BACH2: variants seen among roughly 807,000 people sequenced by gnomAD.
BACH2 encodes the protein BACH transcriptional regulator 2.
In BACH2, 5 loss-of-function variants were observed where a neutral mutation model predicts 61.8. The observed-to-expected ratio is 0.08, with a 90% confidence interval of 0.04 to 0.17. The LOEUF is 0.17. Ranked by LOEUF, BACH2 falls within the 10% of genes least tolerant of loss-of-function variation. BACH2 has a pLI of 1.00. For synonymous variants in BACH2, 446 were observed against 440.1 expected (o/e 1.01, Z -0.17); for missense variants, 824 against 1,091.1 (o/e 0.76, Z 3.45).
chr6:90,178,284 A>G (rs918485672), intron 4 of BACH2, among the ~76,000 whole-genome samples: 7 of 152,180 alleles, frequency 4.6e-5, no homozygotes, highest in African/African-American at 1.7e-4. Context: ...ATTACCTAAG[A>G]TGACATTCTG....
intron 1 of BACH2, among the ~76,000 whole-genome samples, chr6:90,278,824 G>A (rs957788182): frequency 3.3e-5 from 5 of 152,100 alleles, no homozygotes; most frequent in Admixed American, 3.3e-4. Context: ...AGACTTTAGA[G>A]ACTAAATCAG....
chr6:90,031,209 T>C (rs1437083841), intron 5 of BACH2, among the ~76,000 whole-genome samples: 1 of 151,670 alleles, frequency 6.6e-6, no homozygotes, highest in African/African-American at 2.4e-5. Context: ...TATCTCAAAA[T>C]AATAAGAGCT....
chr6:90,216,559 G>A (rs1172624788), intron 3 of BACH2, among the ~76,000 whole-genome samples: 1 of 152,232 alleles, frequency 6.6e-6, no homozygotes, highest in Non-Finnish European at 1.5e-5. Context: ...TTCCAAGAGA[G>A]AGGTTGTTCT....
chr6:90,014,619 G>A (rs995961346), intron 5 of BACH2, among the ~76,000 whole-genome samples: 1 of 150,640 alleles, frequency 6.6e-6, no homozygotes, highest in African/African-American at 2.4e-5. Flanking sequence ...GGGACTACAG[G>A]TGTGCGCTAC....
intron 4 of BACH2, among the ~76,000 whole-genome samples, chr6:90,099,873 A>G (rs996871207): frequency 6.6e-6 from 1 of 152,164 alleles, no homozygotes; most frequent in South Asian, 2.1e-4. Context: ...CCACTATCTA[A>G]TATCAGAACA....
Position 89,940,834 on chromosome 6 carries a change from TTAA to T in BACH2, c.1837-2487_1837-2485del, listed in dbSNP as rs534993043. Among the ~76,000 whole-genome samples, 431 of 148,790 alleles carry T rather than the reference TTAA, an allele frequency of 2.9e-3. 2 individuals are homozygous for T. The highest frequency in any genetic ancestry group is 0.01 in the African/African-American group (414 of 40,442). On this transcript the variant is annotated intron_variant, in intron 7 of 8. Transcript: ENST00000257749. ...TTCCAACATATAGCTAATATAATTATTAATGAGATAGTTTACAGTTTTTTTTTT... is the reference window on the plus strand; with the variant it reads ...TTCCAACATATAGCTAATATAATTATTGAGATAGTTTACAGTTTTTTTTTT...
Position 90,240,251 on chromosome 6 carries a change from A to C in BACH2, c.-275+12262T>G, listed in dbSNP as rs192831716. 2.6e-3 allele frequency among the ~76,000 whole-genome samples: 402 copies of C among 152,312 alleles called. 3 individuals carry two copies. Among genetic ancestry groups the C allele is most frequent in the African/African-American group, 7.8e-3 (323 of 41,580 alleles). On this transcript the variant is annotated intron_variant, in intron 3 of 8. Coordinates refer to ENST00000257749, the MANE Select transcript of BACH2 (RefSeq NM_021813.4). The stretch of plus-strand genomic sequence containing the variant: ...TATCTTTTTTAATGAAATATCAAAA[A>C]GTTTAACACATGTTAATCCTTTTGA...
At chr6:90,251,775 T>A (rs192443583) in intron 3 of BACH2, among the ~76,000 whole-genome samples, 79 of 152,322 alleles carry the variant, frequency 5.2e-4, no homozygotes, top group African/African-American at 1.9e-3. Flanking sequence ...TTATTACAAT[T>A]GTTAGGATTG....
chr6:90,012,905 C>G (rs184153024), intron 5 of BACH2, among the ~76,000 whole-genome samples: 18 of 152,074 alleles, frequency 1.2e-4, no homozygotes, highest in Admixed American at 7.2e-4. Context: ...GGTCTCTCCT[C>G]GGCCTCCCAA....
intron 6 of BACH2, among the ~76,000 whole-genome samples, chr6:89,969,750 G>A (rs780654570): frequency 9.2e-5 from 14 of 152,158 alleles, no homozygotes; most frequent in African/African-American, 3.4e-4. Flanking sequence ...GAAGAGAAAC[G>A]ATCTGTTGGG....
At chr6:89,964,995 G>A (rs183480626) in intron 6 of BACH2, among the ~76,000 whole-genome samples, 3 of 152,032 alleles carry the variant, frequency 2.0e-5, no homozygotes, top group African/African-American at 4.8e-5. Flanking sequence ...AGCGATTCTC[G>A]TGCCTCAACC....
At chr6:90,165,145 G>GA (rs1373206736) in intron 4 of BACH2, among the ~76,000 whole-genome samples, 22 of 152,196 alleles carry the variant, frequency 1.4e-4, no homozygotes, top group Non-Finnish European at 3.1e-4. Flanking sequence ...CAGATGACAT[G>GA]ATTGTATATC....
At chr6:90,269,693 C>G (rs544707412) in intron 2 of BACH2, among the ~76,000 whole-genome samples, 1 of 152,166 alleles carries the variant, frequency 6.6e-6, no homozygotes, top group Admixed American at 6.5e-5. Context: ...AATAAAAGAG[C>G]CCTAAAACAA....
At chr6:90,139,739 T>C (rs1455805885) in intron 4 of BACH2, among the ~76,000 whole-genome samples, 1 of 152,184 alleles carries the variant, frequency 6.6e-6, no homozygotes, top group Non-Finnish European at 1.5e-5. Flanking sequence ...CAGTTGTACT[T>C]CCACACAGGT....
At chr6:89,991,041 CTG>C (rs1776518127) in intron 6 of BACH2, among the ~76,000 whole-genome samples, 1 of 152,230 alleles carries the variant, frequency 6.6e-6, no homozygotes, top group South Asian at 2.1e-4. Flanking sequence ...TCACATCACT[CTG>C]CTTTACTTTG....
At chr6:90,111,791 A>G (rs1249524204) in intron 4 of BACH2, among the ~76,000 whole-genome samples, 1 of 152,218 alleles carries the variant, frequency 6.6e-6, no homozygotes, top group East Asian at 1.9e-4. Context: ...GTATTTCTAA[A>G]ACAGAAAGTG....
intron 1 of BACH2, among the ~76,000 whole-genome samples, chr6:90,278,223 TCTCA>T (rs1483733793): frequency 2.0e-5 from 3 of 152,238 alleles, no homozygotes; most frequent in Non-Finnish European, 4.4e-5. Context: ...CATCTCTTCT[TCTCA>T]CTGACTTCTC....
chr6:90,063,978 T>C (rs756588377), intron 5 of BACH2, among the ~76,000 whole-genome samples: 5 of 152,180 alleles, frequency 3.3e-5, no homozygotes, highest in East Asian at 1.9e-4. Flanking sequence ...CTTAGAAATA[T>C]GGCAAATGAA....
intron 6 of BACH2, chr6:90,001,140 T>C (rs1215283360): frequency 2.0e-5 from 3 of 152,284 alleles, no homozygotes; most frequent in Non-Finnish European, 4.4e-5. Flanking sequence ...CCATCCTCTG[T>C]TGCATACTGA....
Sources: allele counts gnomAD v4.1 joint callset (sites outside exome capture counted in the v4.1 genomes callset), GRCh38; gene constraint gnomAD v4.1.1; transcripts MANE v1.5; gene names NCBI Gene and HGNC (gene_info 2026-07-23, HGNC 2026-07-21).